Variants in MYL12A observed in about 807,000 individuals in gnomAD.
MYL12A encodes the protein myosin light chain 12A, also known as myosin regulatory light chain 12A.
A neutral mutation model predicts 13.3 loss-of-function variants in MYL12A; 11 were observed. That is an observed-to-expected ratio of 0.83 (90% CI 0.52 to 1.37). The LOEUF (loss-of-function observed/expected upper bound fraction) is 1.37. Ranked by LOEUF, MYL12A falls within the 40% of genes most tolerant of loss-of-function variation. The probability of loss-of-function intolerance (pLI) is 0.00; values close to 1 mark genes in which losing one functional copy is unlikely to be tolerated. For synonymous variants in MYL12A, 51 were observed against 69.9 expected, an observed-to-expected ratio of 0.73 and a Z score of 1.35; for missense variants, 146 against 212.3, an observed-to-expected ratio of 0.69 and a Z score of 1.94.
At position 3,253,354 on chromosome 18, in the gene MYL12A, C is replaced by G. The variant is rs754078992; in HGVS notation, c.107C>G (p.Ala36Gly). 6.2e-7 allele frequency: 1 copy of G among 1,613,918 alleles called. No individual in the cohort carries two copies. The highest frequency in any genetic ancestry group is 8.5e-7 in the Non-Finnish European group (1 of 1,179,856). The change falls in exon 2 of 4, where the codon GCC (alanine) becomes GGC (glycine). Residue 36 changes from alanine (A) to glycine (G), a missense_variant. Transcript: ENST00000217652. Reference protein sequence around the residue: ...DQSQIQEFKEAFNMIDQNRDG... With the variant: ...DQSQIQEFKEGFNMIDQNRDG... ...TCACAGATTCAGGAGTTCAAAGAGG[C>G]CTTCAACATGATTGATCAGAACAGA... is the stretch of plus-strand genomic sequence containing the variant.
At chr18:3,254,639 TAAGTG>T (rs2081519411) in intron 3 of MYL12A, among the ~76,000 whole-genome samples, 1 of 152,236 alleles carries the variant, frequency 6.6e-6, no homozygotes, top group Non-Finnish European at 1.5e-5. Context: ...TTGTGAGAAT[TAAGTG>T]AAGAAGTGAG....
At position 3,253,238 on chromosome 18, in the gene MYL12A, A is replaced by C. The variant is rs144408885; in HGVS notation, c.-10A>C. 993 of 1,609,174 alleles carry C rather than the reference A, an allele frequency of 6.2e-4. No individual in the cohort carries two copies. The highest frequency in any genetic ancestry group is 7.8e-4 in the South Asian group (71 of 90,550). ...GTATTTCCTTTCCTAATTAGGACTT[A>C]ACCACCACCATGTCGAGCAAAAGAA... On this transcript the variant is annotated 5_prime_UTR_variant, in exon 2 of 4. Coordinates refer to ENST00000217652, the MANE Select transcript of MYL12A (RefSeq NM_006471.4).
intron 2 of MYL12A, 160 bp from the exon 3 acceptor site, chr18:3,253,729 C>G: frequency 1.3e-6 from 1 of 798,136 alleles, no homozygotes; most frequent in Admixed American, 3.1e-5. Context: ...TTAATAGGCC[C>G]TATTCATTAA....
At chr18:3,254,750 T>C (rs1177802727) in intron 3 of MYL12A, among the ~76,000 whole-genome samples, 3 of 152,222 alleles carry the variant, frequency 2.0e-5, no homozygotes, top group African/African-American at 4.8e-5. Context: ...TTGGCAGAAG[T>C]GTATGTAAGA....
At chr18:3,254,506 T>G (rs2081518556) in intron 3 of MYL12A, among the ~76,000 whole-genome samples, 1 of 152,256 alleles carries the variant, frequency 6.6e-6, no homozygotes, top group Admixed American at 6.5e-5. Context: ...GGAATTAGAC[T>G]ATCTGGCTTC....
At chr18:3,251,714 C>T (rs1462542420) in intron 1 of MYL12A, among the ~76,000 whole-genome samples, 1 of 149,266 alleles carries the variant, frequency 6.7e-6, no homozygotes, top group East Asian at 2.0e-4. Flanking sequence ...TGAAAATATG[C>T]ATTTATGAAT....
rs752340200 is a variant in MYL12A, at chr18:3,255,816, G to C, written c.414G>C (p.Val138=). The C allele has an allele frequency of 6.2e-7, 1 of 1,614,154 alleles. No homozygotes were observed. Among genetic ancestry groups the C allele is most frequent in the Non-Finnish European group, 8.5e-7 (1 of 1,180,020 alleles). Residue 138 remains valine, a synonymous_variant, in exon 4 of 4, where the codon GTG becomes GTC. Coordinates refer to ENST00000217652, the MANE Select transcript of MYL12A (RefSeq NM_006471.4). The part of the protein sequence containing the change: ...TMGDRFTDEE[V]DELYREAPID... ...GGGATCGGTTTACAGATGAGGAAGT[G>C]GATGAGCTGTACAGAGAAGCACCTA... is the stretch of plus-strand genomic sequence containing the variant.
intron 1 of MYL12A, among the ~76,000 whole-genome samples, chr18:3,251,585 T>A (rs1208245020): frequency 6.6e-6 from 1 of 152,240 alleles, no homozygotes; most frequent in African/African-American, 2.4e-5. Flanking sequence ...ATTGGAGGAA[T>A]AATATATTCT....
intron 3 of MYL12A, among the ~76,000 whole-genome samples, chr18:3,254,366 G>A (rs548458182): frequency 2.9e-4 from 44 of 152,276 alleles, no homozygotes; most frequent in African/African-American, 1.1e-3. Context: ...TCTTGATGAA[G>A]TATAAATTGT....
chr18:3,252,471 G>T, intron 1 of MYL12A: 1 of 1,268,160 alleles, frequency 7.9e-7, no homozygotes, highest in Non-Finnish European at 1.0e-6. Flanking sequence ...AATTTTACCG[G>T]GATAAATTTA....
Position 3,253,471 on chromosome 18 carries a change from A to G in MYL12A, c.181+43A>G, listed in dbSNP as rs779502470. 4.4e-6 allele frequency: 7 copies of G among 1,591,516 alleles called. No individual in the cohort carries two copies. In the Admixed American group the frequency reaches 1.0e-4, roughly 23 times the overall value. ...TATTAATCTATTGGATAGAATTTCC[A>G]TGGTGCCTTTCATCTTGATTTCATG... On this transcript the variant is annotated intron_variant, in intron 2 of 3. Coordinates refer to ENST00000217652, the MANE Select transcript of MYL12A (RefSeq NM_006471.4).
intron 1 of MYL12A, chr18:3,249,343 G>T (rs1039801009): frequency 1.1e-4 from 17 of 151,940 alleles, no homozygotes; most frequent in African/African-American, 4.1e-4. Context: ...TAATCATGTT[G>T]TGTATCTCTC....
rs1395270400 is a variant in MYL12A at position 3,253,746 on chromosome 18, T to C, written c.182-143T>C. ...AATAGGCCCTATTCATTAAGAAAACTTTCCCCCCAAATAGTTTCACTCTCA... is the reference window on the plus strand; with the variant it reads ...AATAGGCCCTATTCATTAAGAAAACCTTCCCCCCAAATAGTTTCACTCTCA... On this transcript the variant is annotated intron_variant, in intron 2 of 3. Coordinates refer to ENST00000217652, the MANE Select transcript of MYL12A (RefSeq NM_006471.4). 3 of 957,488 alleles carry C rather than the reference T, an allele frequency of 3.1e-6. No homozygotes were observed. The African/African-American group carries it at 5.0e-5, about 16-fold the overall frequency. The allele number at this position is 957,488 out of a possible 1,614,324, so 59.3% of individuals were successfully genotyped here.
chr18:3,255,437 T>G (rs1329225619), intron 3 of MYL12A: 1 of 222,386 alleles, frequency 4.5e-6, no homozygotes, highest in Non-Finnish European at 8.7e-6. Flanking sequence ...AGGCTTAGAT[T>G]CTTTAACCAT....
chr18:3,251,534 G>A (rs1390117000), intron 1 of MYL12A, among the ~76,000 whole-genome samples: 1 of 152,128 alleles, frequency 6.6e-6, no homozygotes, highest in Non-Finnish European at 1.5e-5. Flanking sequence ...TCACTCATTG[G>A]GTTTCAACCT....
rs145650517 is a variant in MYL12A, at chr18:3,255,736, T to C, written c.344-10T>C. 1 of 1,608,842 alleles carries C rather than the reference T, an allele frequency of 6.2e-7. No individual in the cohort carries two copies. The highest frequency in any genetic ancestry group is 8.5e-7 in the Non-Finnish European group (1 of 1,178,668). On this transcript the variant is annotated splice_polypyrimidine_tract_variant and intron_variant, in intron 3 of 3. Transcript: ENST00000217652. ...GTATGTATTCTGATCCCTTGTTCTT[T>C]ATTCTCCAGGCACCATACAGGAAGA... is the stretch of plus-strand genomic sequence containing the variant.
At position 3,255,880 on chromosome 18, in the gene MYL12A, C is replaced by T. The variant is rs766717834; in HGVS notation, c.478C>T (p.Arg160Cys). The change falls in exon 4 of 4, where the codon CGC becomes TGC. Residue 160 changes from arginine to cysteine, a missense_variant. Arg to Cys is a radical substitution (Grantham distance 180). Coordinates refer to ENST00000217652, the MANE Select transcript of MYL12A (RefSeq NM_006471.4). ...KGNFNYIEFT[R>C]ILKHGAKDKD... is the part of the protein sequence containing the mutation. ...GAATTTCAATTACATCGAGTTCACA[C>T]GCATCCTGAAACATGGAGCCAAAGA... is the stretch of plus-strand genomic sequence containing the variant. 4.3e-6 allele frequency: 7 copies of T among 1,613,898 alleles called. No individual in the cohort carries two copies. The highest frequency in any genetic ancestry group is 5.9e-6 in the Non-Finnish European group (7 of 1,179,914).
At position 3,253,269 on chromosome 18, in the gene MYL12A, A is replaced by AC; in HGVS notation, c.24dup (p.Lys9GlnfsTer18). On this transcript the variant is annotated frameshift_variant, in exon 2 of 4. Transcript: ENST00000217652. LOFTEE classifies it high-confidence loss of function. ...CACCATGTCGAGCAAAAGAACAAAG[A>AC]CCAAGACCAAGAAGCGCCCTCAGCG... is the stretch of plus-strand genomic sequence containing the variant. The AC allele has an allele frequency of 6.2e-7, 1 of 1,613,864 alleles. No individual in the cohort carries two copies. Among genetic ancestry groups the AC allele is most frequent in the South Asian group, 1.1e-5 (1 of 91,058 alleles).
chr18:3,253,404 T>A lies in MYL12A; in HGVS notation c.157T>A (p.Leu53Met). ...AGATGGTTTCATCGACAAGGAAGATTTGCATGATATGCTTGCTTCATTGGG... is the reference window on the plus strand; with the variant it reads ...AGATGGTTTCATCGACAAGGAAGATATGCATGATATGCTTGCTTCATTGGG... ...NRDGFIDKED[L>M]HDMLASLGKN... The change falls in exon 2 of 4, where the codon TTG becomes ATG. Residue 53 changes from leucine (L) to methionine (M), a missense_variant. By Grantham distance (15) the Leu-to-Met change is conservative. Transcript: ENST00000217652. The A allele has an allele frequency of 1.2e-6, 2 of 1,613,582 alleles. No individual in the cohort carries two copies. The highest frequency in any genetic ancestry group is 1.7e-6 in the Non-Finnish European group (2 of 1,179,660).
Sources: gnomAD v4.1 joint callset for allele counts (sites outside exome capture counted in the v4.1 genomes callset) on GRCh38, gnomAD v4.1.1 for gene constraint, MANE v1.5 for transcripts, NCBI Gene and HGNC (gene_info 2026-07-23, HGNC 2026-07-21) for gene names.